PLEKHB2: variants seen among roughly 807,000 people sequenced by gnomAD.
PLEKHB2 encodes pleckstrin homology domain containing B2.
PLEKHB2 carries 31 observed loss-of-function variants against 36.5 expected under a neutral mutation model. The observed-to-expected ratio is 0.85, with a 90% CI of 0.64 to 1.15. The LOEUF is 1.15. Ranked by LOEUF, PLEKHB2 falls within the 50% of genes most tolerant of loss-of-function variation. The pLI is 0.00. For synonymous variants in PLEKHB2, 119 were observed against 112.0 expected (o/e 1.06, Z -0.39); for missense variants, 262 against 295.3 (o/e 0.89, Z 0.83).
chr2:131,142,395 C>T (rs1188311687), intron 7 of PLEKHB2, among the ~76,000 whole-genome samples: 1 of 151,940 alleles, frequency 6.6e-6, no homozygotes, highest in Non-Finnish European at 1.5e-5. Context: ...CTATGTAATA[C>T]TCCTAAGTAT....
chr2:131,132,363 G>A (rs1334544751), intron 5 of PLEKHB2, among the ~76,000 whole-genome samples: 1 of 152,144 alleles, frequency 6.6e-6, no homozygotes, highest in Admixed American at 6.5e-5. Context: ...CTGGAGTGCA[G>A]TGACTTGATC....
At chr2:131,111,923 G>A (rs951812324) in intron 1 of PLEKHB2, among the ~76,000 whole-genome samples, 2 of 151,854 alleles carry the variant, frequency 1.3e-5, no homozygotes, top group African/African-American at 2.4e-5. Context: ...GTCTGATTGT[G>A]GTACTGTGAA....
chr2:131,111,028 G>A (rs907726486), intron 1 of PLEKHB2, among the ~76,000 whole-genome samples: 8 of 151,230 alleles, frequency 5.3e-5, no homozygotes, highest in African/African-American at 1.5e-4. Flanking sequence ...TTTTTGAGAC[G>A]GAGTCTCGCT....
Position 131,139,057 on chromosome 2 carries a change from C to T in PLEKHB2, c.424-1110C>T, listed in dbSNP as rs186760298. Among the ~76,000 whole-genome samples, 125 of 152,274 alleles carry T rather than the reference C, an allele frequency of 8.2e-4. 1 individual carries two copies. In the Middle Eastern group the frequency reaches 0.01, roughly 12 times the overall value. ...GGCTGAAGGCTTTTATGTGGTGGTT[C>T]CCTGGAGTAGAGAGGTTATTGTCTA... On this transcript the variant is annotated intron_variant, in intron 6 of 7. Transcript: ENST00000693505.
chr2:131,115,946 G>A (rs1008470286), intron 1 of PLEKHB2, among the ~76,000 whole-genome samples: 8 of 152,172 alleles, frequency 5.3e-5, no homozygotes, highest in African/African-American at 1.9e-4. Context: ...GAGGAGACTA[G>A]TGGTAGAGAT....
intron 5 of PLEKHB2, among the ~76,000 whole-genome samples, chr2:131,130,985 C>T (rs1156809557): frequency 6.6e-6 from 1 of 152,156 alleles, no homozygotes; most frequent in Non-Finnish European, 1.5e-5. Context: ...GACGAAGTCT[C>T]ACTATATTAC....
chr2:131,149,020 C>T lies in PLEKHB2; in HGVS notation c.*2247C>T, dbSNP rs1699492611. On this transcript the variant is annotated 3_prime_UTR_variant, in exon 8 of 8. Coordinates refer to ENST00000693505, the MANE Select transcript of PLEKHB2 (RefSeq NM_001100623.2). ...AGATGTCCCTGTGCTCCCCTGGCTG[C>T]TTCTGGCTGAAGGGGGGAGGTGTAG... The T allele has an allele frequency of 6.6e-6, 1 of 152,192 alleles. No homozygotes were observed. The highest frequency in any genetic ancestry group is 1.5e-5 in the Non-Finnish European group (1 of 68,048). 9.4% of individuals were successfully genotyped at this position (152,192 alleles called of 1,614,324 possible). A position where few individuals can be genotyped will look rare whatever the true frequency, so the allele number is the denominator to read the frequency against.
intron 6 of PLEKHB2, among the ~76,000 whole-genome samples, chr2:131,137,064 A>G (rs1698334136): frequency 6.7e-6 from 1 of 149,776 alleles, no homozygotes; most frequent in South Asian, 2.1e-4. Flanking sequence ...CTTCTGCCTC[A>G]GCCTCCTGAG....
At chr2:131,143,948 C>A (rs540860503) in intron 7 of PLEKHB2, among the ~76,000 whole-genome samples, 2 of 152,318 alleles carry the variant, frequency 1.3e-5, no homozygotes, top group East Asian at 3.9e-4. Flanking sequence ...AGCACTCTCA[C>A]AGGCAGTACT....
chr2:131,114,251 G>T (rs916355660), intron 1 of PLEKHB2, among the ~76,000 whole-genome samples: 3 of 152,120 alleles, frequency 2.0e-5, no homozygotes, highest in African/African-American at 4.8e-5. Flanking sequence ...TCAGCCTCCC[G>T]AGTAGCTGGG....
At chr2:131,128,055 T>G (rs1697271208) in intron 4 of PLEKHB2, among the ~76,000 whole-genome samples, 1 of 152,174 alleles carries the variant, frequency 6.6e-6, no homozygotes, top group Non-Finnish European at 1.5e-5. Flanking sequence ...CAGAAAAGAC[T>G]TACTCGGTCT....
intron 2 of PLEKHB2, among the ~76,000 whole-genome samples, chr2:131,123,935 A>C (rs1405533845): frequency 1.3e-5 from 2 of 149,702 alleles, no homozygotes; most frequent in Non-Finnish European, 3.0e-5. Flanking sequence ...TACAGCCTTG[A>C]TCTTCCAGGT....
At chr2:131,111,378 T>A (rs1695304440) in intron 1 of PLEKHB2, among the ~76,000 whole-genome samples, 2 of 150,832 alleles carry the variant, frequency 1.3e-5, no homozygotes, top group African/African-American at 2.4e-5. Context: ...TTTTTTTTTT[T>A]AGCTCTTCAT....
intron 2 of PLEKHB2, among the ~76,000 whole-genome samples, chr2:131,123,681 T>C (rs904274965): frequency 1.3e-5 from 2 of 150,422 alleles, no homozygotes; most frequent in African/African-American, 5.0e-5. Context: ...TGCGCCACCA[T>C]GCCAGGCTAA....
chr2:131,113,321 CCTT>C (rs972232587), intron 1 of PLEKHB2, among the ~76,000 whole-genome samples: 86 of 152,266 alleles, frequency 5.6e-4, no homozygotes, highest in African/African-American at 2.0e-3. Flanking sequence ...GGTCCCCTGA[CCTT>C]CTCCTCCTAA....
At chr2:131,120,474 T>C (rs1696391106) in intron 1 of PLEKHB2, 1 of 162,864 alleles carries the variant, frequency 6.1e-6, no homozygotes, top group African/African-American at 2.4e-5. Context: ...TGAACCTTTT[T>C]CTTGATGACT....
At chr2:131,109,320 T>C (rs1695047333) in intron 1 of PLEKHB2, among the ~76,000 whole-genome samples, 1 of 152,188 alleles carries the variant, frequency 6.6e-6, no homozygotes, top group African/African-American at 2.4e-5. Flanking sequence ...TTTTTTTGTT[T>C]TGGTATAGTT....
chr2:131,110,817 CTCT>C (rs1695232961), intron 1 of PLEKHB2, among the ~76,000 whole-genome samples: 1 of 152,088 alleles, frequency 6.6e-6, no homozygotes, highest in African/African-American at 2.4e-5. Context: ...TTTTTAGGTT[CTCT>C]TCTTTGTCCT....
rs781539034 is a variant in PLEKHB2 at position 131,149,150 on chromosome 2, T to C, written c.*2377T>C. Reference sequence around the variant, plus strand: ...AAGCCTGGAACTTGGCTGTCATTAGTGACTTGATCCTGGTATGAAATGCAT... The same window carrying C: ...AAGCCTGGAACTTGGCTGTCATTAGCGACTTGATCCTGGTATGAAATGCAT... On this transcript the variant is annotated 3_prime_UTR_variant, in exon 8 of 8. Coordinates refer to ENST00000693505, the MANE Select transcript of PLEKHB2 (RefSeq NM_001100623.2). 2 of 152,208 alleles carry C rather than the reference T, an allele frequency of 1.3e-5. No homozygotes were observed. The highest frequency in any genetic ancestry group is 4.8e-5 in the African/African-American group (2 of 41,456). The allele number at this position is 152,208 out of a possible 1,614,324, so 9.4% of individuals were successfully genotyped here. A position where few individuals can be genotyped will look rare whatever the true frequency, so the allele number is the denominator to read the frequency against.
Sources: allele counts gnomAD v4.1 joint callset (sites outside exome capture counted in the v4.1 genomes callset), GRCh38; gene constraint gnomAD v4.1.1; transcripts MANE v1.5; gene names NCBI Gene and HGNC (gene_info 2026-07-23, HGNC 2026-07-21).